Variants in FAM163A observed in about 807,000 individuals in gnomAD.
FAM163A encodes the protein protein FAM163A.
A neutral mutation model predicts 12.0 loss-of-function variants in FAM163A; 7 were observed. That is an observed-to-expected ratio of 0.58 (90% confidence interval 0.33 to 1.10). The LOEUF (loss-of-function observed/expected upper bound fraction) is 1.10, where lower values mean the gene tolerates loss of function less well. Ranked by LOEUF, FAM163A falls within the 50% of genes least tolerant of loss-of-function variation. FAM163A has a pLI of 0.03. For missense variants in FAM163A, 202 were observed against 218.6 expected (o/e 0.92, Z 0.48); for synonymous variants, 101 against 91.0 (o/e 1.11, Z -0.62).
chr1:179,791,836 A>G (rs1691548051), intron 1 of FAM163A, among the ~76,000 whole-genome samples: 1 of 152,200 alleles, frequency 6.6e-6, no homozygotes, highest in Non-Finnish European at 1.5e-5. Flanking sequence ...CCAAAAGCTT[A>G]ATCACTTCCA....
At chr1:179,731,659 T>G in the FAM163A span, among the ~76,000 whole-genome samples, 1 of 152,222 alleles carries the variant, frequency 6.6e-6, no homozygotes, top group Admixed American at 6.5e-5. Context: ...CCAGCAAGAC[T>G]AAGCATTGCC....
chr1:179,807,621 G>A (rs891152838), intron 1 of FAM163A, among the ~76,000 whole-genome samples, 177 bp from the exon 2 acceptor site: 3 of 152,202 alleles, frequency 2.0e-5, no homozygotes, highest in Admixed American at 1.3e-4. Context: ...CTGTCCTCAG[G>A]TTCTTAGGCT....
intron 1 of FAM163A, among the ~76,000 whole-genome samples, chr1:179,755,136 C>CG (rs1553213967): frequency 9.1e-6 from 1 of 109,444 alleles, no homozygotes; most frequent in Non-Finnish European, 1.9e-5. Context: ...GACTCTGCCT[C>CG]AAAAAAAAAA....
chr1:179,765,410 CAT>C (rs908240703), intron 1 of FAM163A, among the ~76,000 whole-genome samples: 1 of 152,230 alleles, frequency 6.6e-6, no homozygotes, highest in Non-Finnish European at 1.5e-5. Context: ...GGGCCACAAA[CAT>C]GTGGCCAGGC....
chr1:179,800,713 T>C (rs1459791684), intron 1 of FAM163A, among the ~76,000 whole-genome samples: 1 of 152,028 alleles, frequency 6.6e-6, no homozygotes, highest in Non-Finnish European at 1.5e-5. Context: ...TAGCGCTCAG[T>C]AAGTAGTAGA....
At chr1:179,813,649 C>A in intron 4 of FAM163A, 130 bp from the exon 5 acceptor site, 2 of 1,027,404 alleles carry the variant, frequency 1.9e-6, no homozygotes, top group Non-Finnish European at 2.9e-6. Context: ...GTGGAGCAGG[C>A]CCCTGGGGTT....
At chr1:179,739,924 G>A (rs924865149), upstream of FAM163A, among the ~76,000 whole-genome samples, 2 of 152,328 alleles carry the variant, frequency 1.3e-5, no homozygotes, top group South Asian at 4.1e-4. Flanking sequence ...TCCTGCCAAG[G>A]TTGTGGAGAA....
intron 1 of FAM163A, among the ~76,000 whole-genome samples, chr1:179,761,471 G>A (rs1373225421): frequency 6.6e-6 from 1 of 152,172 alleles, no homozygotes; most frequent in African/African-American, 2.4e-5. Flanking sequence ...TTTCAGTCCC[G>A]AAGATGACAG....
intron 1 of FAM163A, among the ~76,000 whole-genome samples, chr1:179,743,891 G>A (rs866680857): frequency 5.5e-4 from 83 of 152,260 alleles, no homozygotes; most frequent in African/African-American, 1.9e-3. Flanking sequence ...TGCGCCTCGC[G>A]CCCGCCGCCA....
At chr1:179,785,695 TATA>T (rs1690512646) in intron 1 of FAM163A, among the ~76,000 whole-genome samples, 1 of 152,262 alleles carries the variant, frequency 6.6e-6, no homozygotes, top group Non-Finnish European at 1.5e-5. Context: ...CACTTTAGGA[TATA>T]TTATTCCAGG....
chr1:179,781,078 C>T (rs955783588), intron 1 of FAM163A, among the ~76,000 whole-genome samples: 2 of 152,082 alleles, frequency 1.3e-5, no homozygotes, highest in African/African-American at 4.8e-5. Context: ...CAAGCATACA[C>T]GATGGCTTTA....
intron 1 of FAM163A, among the ~76,000 whole-genome samples, chr1:179,776,346 C>G (rs1295105962): frequency 1.3e-5 from 2 of 152,040 alleles, no homozygotes; most frequent in African/African-American, 4.8e-5. Flanking sequence ...CAAAAATTAG[C>G]TGGGCATGGT....
intron 1 of FAM163A, among the ~76,000 whole-genome samples, chr1:179,768,496 A>G (rs972163355): frequency 2.0e-5 from 3 of 152,224 alleles, no homozygotes; most frequent in Admixed American, 6.5e-5. Context: ...CAAGATTACT[A>G]GAGGCTGCAG....
At chr1:179,735,762 C>G in the FAM163A span, among the ~76,000 whole-genome samples, 2 of 152,034 alleles carry the variant, frequency 1.3e-5, no homozygotes, top group Non-Finnish European at 2.9e-5. Context: ...CTCGGCCTCC[C>G]AAAGTGCTGG....
chr1:179,813,869 T>A lies in FAM163A; in HGVS notation c.184T>A (p.Cys62Ser). Reference sequence around the variant, plus strand: ...TCCCACGCATCCCAGAGGCCCCACCTGCAATGCCTGCAGCTCCCAAGCCCT... The same window carrying A: ...TCCCACGCATCCCAGAGGCCCCACCAGCAATGCCTGCAGCTCCCAAGCCCT... ...DLPTHPRGPT[C>S]NACSSQALDG... is the part of the protein sequence containing the mutation. Residue 62 changes from cysteine (C) to serine (S), a missense_variant, in exon 5 of 5, where the codon TGC becomes AGC. Coordinates refer to ENST00000341785, the MANE Select transcript of FAM163A (RefSeq NM_173509.3). 6.2e-7 allele frequency: 1 copy of A among 1,613,938 alleles called. No individual in the cohort carries two copies. Among genetic ancestry groups the A allele is most frequent in the South Asian group, 1.1e-5 (1 of 91,084 alleles).
upstream of FAM163A, among the ~76,000 whole-genome samples, chr1:179,742,990 C>G (rs1157580269): frequency 6.6e-6 from 1 of 152,236 alleles, no homozygotes; most frequent in African/African-American, 2.4e-5. Flanking sequence ...CTCATGCTCT[C>G]CGAATTTTCC....
intron 1 of FAM163A, among the ~76,000 whole-genome samples, chr1:179,773,951 AG>A (rs1272629880): frequency 6.6e-6 from 1 of 152,238 alleles, no homozygotes; most frequent in Admixed American, 6.5e-5. Flanking sequence ...CAGTGAGCAA[AG>A]AGGGACTTTT....
chr1:179,731,930 A>C, the FAM163A span, among the ~76,000 whole-genome samples: 2 of 152,256 alleles, frequency 1.3e-5, no homozygotes, highest in African/African-American at 4.8e-5. Flanking sequence ...ATATTTTTGC[A>C]TAATCTTGAG....
At chr1:179,767,154 C>T (rs530102901) in intron 1 of FAM163A, among the ~76,000 whole-genome samples, 6 of 152,100 alleles carry the variant, frequency 3.9e-5, no homozygotes, top group Non-Finnish European at 7.4e-5. Flanking sequence ...ACAATATGAC[C>T]GTCTAGTACA....
Sources: gnomAD v4.1 joint callset for allele counts (sites outside exome capture counted in the v4.1 genomes callset) on GRCh38, gnomAD v4.1.1 for gene constraint, MANE v1.5 for transcripts, NCBI Gene and HGNC (gene_info 2026-07-23, HGNC 2026-07-21) for gene names.